Variants in RORA observed in about 807,000 individuals in gnomAD.
RORA encodes nuclear receptor ROR-alpha.
A neutral mutation model predicts 69.5 loss-of-function variants in RORA; 7 were observed. The ratio of observed to expected loss-of-function variants is 0.10; its 90% CI spans 0.06 to 0.19. RORA has a LOEUF of 0.19. RORA is among the 10% of genes least tolerant of loss of function. RORA has a pLI of 1.00. For missense variants in RORA, 457 were observed against 663.0 expected (o/e 0.69, Z 3.41); for synonymous variants, 261 against 240.8 (o/e 1.08, Z -0.78).
intron 1 of RORA, among the ~76,000 whole-genome samples, chr15:60,729,859 T>C (rs1001973078): frequency 7.2e-5 from 11 of 152,388 alleles, no homozygotes; most frequent in Middle Eastern, 3.4e-3. Flanking sequence ...ATGTAATATC[T>C]TACCTCTCTG....
At chr15:61,205,055 CAT>C (rs1422167496) in intron 1 of RORA, among the ~76,000 whole-genome samples, 1 of 152,220 alleles carries the variant, frequency 6.6e-6, no homozygotes, top group African/African-American at 2.4e-5. Flanking sequence ...ATCAACGTGT[CAT>C]ATGTGGGCCC....
chr15:61,168,559 C>T (rs574869343), intron 1 of RORA, among the ~76,000 whole-genome samples: 2 of 152,026 alleles, frequency 1.3e-5, no homozygotes, highest in East Asian at 3.9e-4. Context: ...GTGCCTGGCC[C>T]TTGTATTATA....
chr15:60,743,941 A>G (rs567983933), intron 1 of RORA, among the ~76,000 whole-genome samples: 2 of 152,334 alleles, frequency 1.3e-5, no homozygotes, highest in East Asian at 3.9e-4. Context: ...GAATAAAAAG[A>G]AGCAAGACCA....
intron 2 of RORA, among the ~76,000 whole-genome samples, chr15:60,576,840 T>C (rs1371041834): frequency 4.6e-5 from 7 of 152,206 alleles, no homozygotes; most frequent in Non-Finnish European, 1.0e-4. Context: ...ATGACAAAAG[T>C]TTCACATCTT....
At chr15:60,823,282 T>G (rs778576664) in intron 1 of RORA, among the ~76,000 whole-genome samples, 21 of 152,176 alleles carry the variant, frequency 1.4e-4, no homozygotes, top group African/African-American at 5.1e-4. Context: ...CTCAAACTCC[T>G]GGGCTCAGGC....
intron 1 of RORA, among the ~76,000 whole-genome samples, chr15:60,687,056 TG>T (rs2070760968): frequency 6.6e-6 from 1 of 152,204 alleles, no homozygotes; most frequent in African/African-American, 2.4e-5. Flanking sequence ...GGTATCACTA[TG>T]TAATGATGGA....
chr15:60,615,286 C>T (rs113620313), intron 2 of RORA, among the ~76,000 whole-genome samples: 7 of 152,174 alleles, frequency 4.6e-5, no homozygotes, highest in Non-Finnish European at 7.3e-5. Context: ...CTCTTCTCCA[C>T]GGAGCCTTGA....
chr15:60,603,901 G>T (rs1031607860), intron 2 of RORA, among the ~76,000 whole-genome samples: 1 of 152,138 alleles, frequency 6.6e-6, no homozygotes, highest in Non-Finnish European at 1.5e-5. Context: ...TTGGGAGGCT[G>T]AGGTGGGTGG....
chr15:60,725,985 C>A (rs2071352194), intron 1 of RORA, among the ~76,000 whole-genome samples: 1 of 152,076 alleles, frequency 6.6e-6, no homozygotes, highest in Non-Finnish European at 1.5e-5. Context: ...GGGGGGCACA[C>A]AACATTTTTT....
intron 1 of RORA, among the ~76,000 whole-genome samples, chr15:60,919,076 A>C (rs1231195658): frequency 6.6e-6 from 1 of 152,204 alleles, no homozygotes; most frequent in African/African-American, 2.4e-5. Flanking sequence ...TGCACTAGGC[A>C]TGAACCACCC....
chr15:60,928,487 T>C (rs927468383), intron 1 of RORA, among the ~76,000 whole-genome samples: 1 of 152,146 alleles, frequency 6.6e-6, no homozygotes, highest in Non-Finnish European at 1.5e-5. Flanking sequence ...ACCTAATACA[T>C]GGTAGGACCT....
intron 1 of RORA, among the ~76,000 whole-genome samples, chr15:60,804,633 T>A (rs1369709454): frequency 6.6e-6 from 1 of 152,138 alleles, no homozygotes; most frequent in African/African-American, 2.4e-5. Flanking sequence ...GTAATTAAGA[T>A]CAACGGTAGC....
intron 1 of RORA, among the ~76,000 whole-genome samples, chr15:60,864,222 A>G (rs1316263079): frequency 1.3e-5 from 2 of 152,210 alleles, no homozygotes; most frequent in African/African-American, 2.4e-5. Context: ...TGAATGTCAG[A>G]GCTTGTGAAA....
At chr15:60,608,561 G>C (rs2069005812) in intron 2 of RORA, among the ~76,000 whole-genome samples, 1 of 152,178 alleles carries the variant, frequency 6.6e-6, no homozygotes, top group Non-Finnish European at 1.5e-5. Flanking sequence ...AAGATGCTAA[G>C]TATTGAAAAC....
chr15:60,928,996 G>C (rs1291895952), intron 1 of RORA, among the ~76,000 whole-genome samples: 1 of 151,828 alleles, frequency 6.6e-6, no homozygotes, highest in Non-Finnish European at 1.5e-5. Flanking sequence ...AGTGTCTCAA[G>C]CCAAGGAGCA....
At chr15:61,064,478 C>T (rs1439706024) in intron 1 of RORA, among the ~76,000 whole-genome samples, 2 of 152,200 alleles carry the variant, frequency 1.3e-5, no homozygotes, top group East Asian at 3.9e-4. Flanking sequence ...CACAAGCAAA[C>T]TGCAGGGATC....
At chr15:60,741,170 A>G (rs1008471366) in intron 1 of RORA, among the ~76,000 whole-genome samples, 1 of 152,232 alleles carries the variant, frequency 6.6e-6, no homozygotes, top group South Asian at 2.1e-4. Context: ...ATAATGTGGG[A>G]CAGGAAGAGA....
intron 1 of RORA, among the ~76,000 whole-genome samples, chr15:60,707,513 G>A (rs540365157): frequency 9.2e-5 from 14 of 151,818 alleles, no homozygotes; most frequent in African/African-American, 1.5e-4. Context: ...ACAGGTGCCC[G>A]CCACCACGCC....
In RORA at chr15:60,495,289, C is replaced by G. The variant is rs1022166326; in HGVS notation, c.*2166G>C. 1.3e-5 allele frequency: 2 copies of G among 152,214 alleles called. No homozygotes were observed. The highest frequency in any genetic ancestry group is 2.9e-5 in the Non-Finnish European group (2 of 68,034). The allele number at this position is 152,214 out of a possible 1,614,324, so 9.4% of individuals were successfully genotyped here. ...AAATTAAAGATTTGATTTAACCCTT[C>G]TTGCCCCAATATAAATACTATATGC... On this transcript the variant is annotated 3_prime_UTR_variant, in exon 11 of 11. Transcript: ENST00000335670.
Sources: allele counts gnomAD v4.1 joint callset (sites outside exome capture counted in the v4.1 genomes callset), GRCh38; gene constraint gnomAD v4.1.1; transcripts MANE v1.5; gene names NCBI Gene and HGNC (gene_info 2026-07-23, HGNC 2026-07-21).